Variants in CMTM4 observed in about 807,000 individuals in gnomAD.
CMTM4 encodes CKLF like MARVEL transmembrane domain containing 4, also known as CKLF-like MARVEL transmembrane domain-containing protein 4.
In CMTM4, 8 loss-of-function variants were observed where a neutral mutation model predicts 19.0. The ratio of observed to expected loss-of-function variants is 0.42; its 90% CI spans 0.25 to 0.76. The LOEUF is 0.76. Ranked by LOEUF, CMTM4 falls within the 30% of genes least tolerant of loss-of-function variation. CMTM4 has a pLI of 0.27. For missense variants in CMTM4, 228 were observed against 290.2 expected, an observed-to-expected ratio of 0.79 and a Z score of 1.56; for synonymous variants, 106 against 121.1, an observed-to-expected ratio of 0.88 and a Z score of 0.82.
At chr16:66,676,330 G>C (rs945006684) in intron 1 of CMTM4, among the ~76,000 whole-genome samples, 3 of 152,134 alleles carry the variant, frequency 2.0e-5, no homozygotes, top group Non-Finnish European at 2.9e-5. Flanking sequence ...TCATAATTCT[G>C]TCTCTCCCCA....
intron 1 of CMTM4, among the ~76,000 whole-genome samples, chr16:66,688,912 G>C (rs2017085905): frequency 6.6e-6 from 1 of 152,106 alleles, no homozygotes; most frequent in Admixed American, 6.6e-5. Context: ...TGTTATAACT[G>C]ATATTGGTTT....
At chr16:66,638,082 C>T (rs1402382639) in intron 1 of CMTM4, among the ~76,000 whole-genome samples, 2 of 152,180 alleles carry the variant, frequency 1.3e-5, no homozygotes, top group African/African-American at 4.8e-5. Flanking sequence ...CACCTCCTCC[C>T]CATGTCTTCC....
At chr16:66,632,260 G>C (rs888995365) in intron 2 of CMTM4, among the ~76,000 whole-genome samples, 16 of 152,220 alleles carry the variant, frequency 1.1e-4, no homozygotes, top group Non-Finnish European at 1.9e-4. Context: ...AGAGGATCTA[G>C]GAACACGGAG....
At chr16:66,667,724 C>A (rs2016625015) in intron 1 of CMTM4, among the ~76,000 whole-genome samples, 1 of 152,092 alleles carries the variant, frequency 6.6e-6, no homozygotes, top group Non-Finnish European at 1.5e-5. Context: ...CCCGTCTCTA[C>A]TAAAGATCCA....
At chr16:66,606,246 G>A in the CMTM4 span, among the ~76,000 whole-genome samples, 1 of 152,104 alleles carries the variant, frequency 6.6e-6, no homozygotes, top group Non-Finnish European at 1.5e-5. Context: ...AGGCTGAGAT[G>A]GACAGAAACA....
Position 66,620,201 on chromosome 16 carries a change from T to C in CMTM4, c.*1857A>G. On this transcript the variant is annotated 3_prime_UTR_variant, in exon 4 of 4. Transcript: ENST00000394106. ...GCCCCATTTAATGCAAGGCTGAGCC[T>C]TTGTGGCCCTATTTTAAAAGGAACT... 1.0e-6 allele frequency: 1 copy of C among 985,446 alleles called. No individual in the cohort carries two copies. Among genetic ancestry groups the C allele is most frequent in the Non-Finnish European group, 1.2e-6 (1 of 829,928 alleles). 61.0% of individuals were successfully genotyped at this position (985,446 alleles called of 1,614,324 possible). A position where few individuals can be genotyped will look rare whatever the true frequency, so the allele number is the denominator to read the frequency against.
downstream of CMTM4, chr16:66,610,823 G>A: frequency 2.5e-6 from 1 of 398,658 alleles, no homozygotes; most frequent in South Asian, 1.3e-4. The surrounding 1 kb of genome is among the most constrained non-coding windows in gnomAD (Gnocchi z 4.6). Context: ...AGTAGGTTAG[G>A]CTTAAGAGCC....
chr16:66,604,889 C>T, the CMTM4 span: 3 of 1,437,788 alleles, frequency 2.1e-6, no homozygotes, highest in African/African-American at 1.5e-5. Flanking sequence ...CCGGGCTCCG[C>T]GCCCTGCTGC....
At chr16:66,670,552 A>C (rs944882522) in intron 1 of CMTM4, among the ~76,000 whole-genome samples, 1 of 152,006 alleles carries the variant, frequency 6.6e-6, no homozygotes, top group Admixed American at 6.6e-5. Context: ...CTGTAATCCC[A>C]GCACTTTGGG....
At chr16:66,678,819 T>G (rs988679535) in intron 1 of CMTM4, among the ~76,000 whole-genome samples, 5 of 152,174 alleles carry the variant, frequency 3.3e-5, no homozygotes, top group Non-Finnish European at 7.3e-5. Context: ...TAAAAAATTA[T>G]TCTTTGGCCA....
chr16:66,694,017 G>A (rs1466052326), intron 1 of CMTM4, among the ~76,000 whole-genome samples: 1 of 151,768 alleles, frequency 6.6e-6, no homozygotes, highest in Non-Finnish European at 1.5e-5. Flanking sequence ...GTTAGACCCA[G>A]TGTTTAAAAA....
chr16:66,654,420 C>T (rs2016362472), intron 1 of CMTM4, among the ~76,000 whole-genome samples: 1 of 152,152 alleles, frequency 6.6e-6, no homozygotes, highest in African/African-American at 2.4e-5. Flanking sequence ...GCTGCCTTCT[C>T]ATGAAACACA....
chr16:66,606,208 C>G, the CMTM4 span, among the ~76,000 whole-genome samples: 1 of 152,148 alleles, frequency 6.6e-6, no homozygotes. Flanking sequence ...AGTCCCCTCA[C>G]TCCCACCCCC....
At chr16:66,668,453 C>A (rs1567424596) in intron 1 of CMTM4, among the ~76,000 whole-genome samples, 2 of 152,042 alleles carry the variant, frequency 1.3e-5, no homozygotes, top group East Asian at 3.8e-4. Flanking sequence ...CATGTTTTTG[C>A]TTTTTCTTTA....
intron 1 of CMTM4, among the ~76,000 whole-genome samples, chr16:66,646,996 C>A (rs1489443459): frequency 6.6e-6 from 1 of 151,734 alleles, no homozygotes; most frequent in Non-Finnish European, 1.5e-5. Context: ...CGTGACCCAC[C>A]ACGCCCAGCC....
intron 1 of CMTM4, among the ~76,000 whole-genome samples, chr16:66,662,816 G>A (rs930510064): frequency 2.0e-5 from 3 of 152,082 alleles, no homozygotes; most frequent in African/African-American, 7.2e-5. Context: ...GGCAGAAAGA[G>A]GAAGCAAACC....
In CMTM4 at chr16:66,636,530, G is replaced by A; in HGVS notation, c.238C>T (p.Pro80Ser). 6.2e-7 allele frequency: 1 copy of A among 1,614,196 alleles called. No individual in the cohort carries two copies. Among genetic ancestry groups the A allele is most frequent in the Non-Finnish European group, 8.5e-7 (1 of 1,180,016 alleles). Residue 80 changes from proline (P) to serine (S), a missense_variant, in exon 2 of 4, where the codon CCG (proline) becomes TCG (serine). This residue lies in a region of CMTM4 where 200 missense variants were observed against 226.6 expected (regional missense o/e 0.88). Coordinates refer to ENST00000394106, the MANE Select transcript of CMTM4 (RefSeq NM_181521.3). ...ICIETIMACS[P>S]CEGLYFFEFV... ...TCAAAAAAGTAGAGGCCTTCACACGGGGAGCATGCCATGATGGTCTCTATG... is the reference window on the plus strand; with the variant it reads ...TCAAAAAAGTAGAGGCCTTCACACGAGGAGCATGCCATGATGGTCTCTATG...
Position 66,636,554 on chromosome 16 carries a change from T to C in CMTM4, c.214A>G (p.Ile72Val), listed in dbSNP as rs139191138. The C allele has an allele frequency of 3.2e-3, 5,238 of 1,614,200 alleles. 12 individuals are homozygous for C. Among genetic ancestry groups the C allele is most frequent in the Non-Finnish European group, 4.2e-3 (4,967 of 1,180,010 alleles). ...GGGGAGCATGCCATGATGGTCTCTA[T>C]GCAGATGAATGCAATCAGGGCCAAG... ...VILALIAFIC[I>V]ETIMACSPCE... The change falls in exon 2 of 4, where the codon ATA (isoleucine) becomes GTA (valine). Residue 72 changes from isoleucine to valine, a missense_variant. Physicochemically the swap from Ile to Val is conservative, Grantham distance 29. This residue lies in a region of CMTM4 where 200 missense variants were observed against 226.6 expected (regional missense o/e 0.88). Coordinates refer to ENST00000394106, the MANE Select transcript of CMTM4 (RefSeq NM_181521.3).
Position 66,622,680 on chromosome 16 carries a change from G to A in CMTM4, c.463-458C>T, listed in dbSNP as rs1421919753. On this transcript the variant is annotated intron_variant, in intron 3 of 3. Coordinates refer to ENST00000394106, the MANE Select transcript of CMTM4 (RefSeq NM_181521.3). The surrounding 1 kb of genome is among the most constrained non-coding windows in gnomAD (Gnocchi z 4.0). Reference sequence around the variant, plus strand: ...AACATAGACAGAAAATCAGGGTTTCGCATGTGGGTCCCAAATCAAGCCACA... The same window carrying A: ...AACATAGACAGAAAATCAGGGTTTCACATGTGGGTCCCAAATCAAGCCACA... Among the ~76,000 whole-genome samples, 2 of 152,150 alleles carry A rather than the reference G, an allele frequency of 1.3e-5. No individual in the cohort carries two copies. Among genetic ancestry groups the A allele is most frequent in the South Asian group, 2.1e-4 (1 of 4,832 alleles).
Sources: gnomAD v4.1 joint callset for allele counts (sites outside exome capture counted in the v4.1 genomes callset) on GRCh38, gnomAD v4.1.1 for gene constraint, gnomAD v4.1.1 regional missense constraint, Gnocchi (gnomAD v3.1) non-coding constraint, MANE v1.5 for transcripts, NCBI Gene and HGNC (gene_info 2026-07-23, HGNC 2026-07-21) for gene names.